CADPS2: variants seen among roughly 807,000 people sequenced by gnomAD.
CADPS2 encodes calcium dependent secretion activator 2.
In CADPS2, 93 loss-of-function variants were observed where a neutral mutation model predicts 172.5. That is an observed-to-expected ratio of 0.54 (90% confidence interval 0.46 to 0.64). CADPS2 has a LOEUF of 0.64. CADPS2 is among the 30% of genes least tolerant of loss of function. CADPS2 has a pLI of 0.00. For synonymous variants in CADPS2, 546 were observed against 555.2 expected (o/e 0.98, Z 0.23); for missense variants, 1,420 against 1,565.9 (o/e 0.91, Z 1.57).
intron 2 of CADPS2, among the ~76,000 whole-genome samples, chr7:122,666,256 T>C (rs891634634): frequency 6.6e-6 from 1 of 152,116 alleles, no homozygotes; most frequent in Non-Finnish European, 1.5e-5. Context: ...GGAAGCTCAG[T>C]AGTTAAAAGG....
At chr7:122,870,051 T>C (rs923350107) in intron 1 of CADPS2, among the ~76,000 whole-genome samples, 1 of 151,958 alleles carries the variant, frequency 6.6e-6, no homozygotes, top group Non-Finnish European at 1.5e-5. Flanking sequence ...AGGATCTACA[T>C]ATTAACCAGA....
Position 122,320,129 on chromosome 7 carries a change from T to C in CADPS2, c.*36A>G. ...TTAAAAAAATAAAAAACAATGTCGA[T>C]CAAGGTCTTCCTTCCTTCTGCAAAG... On this transcript the variant is annotated 3_prime_UTR_variant, in exon 30 of 30. Coordinates refer to ENST00000449022, the MANE Select transcript of CADPS2 (RefSeq NM_017954.11). 6.7e-7 allele frequency: 1 copy of C among 1,503,508 alleles called. No individual in the cohort carries two copies. The highest frequency in any genetic ancestry group is 2.3e-5 in the Admixed American group (1 of 43,972). 93.1% of individuals were successfully genotyped at this position (1,503,508 alleles called of 1,614,324 possible). A position where few individuals can be genotyped will look rare whatever the true frequency, so the allele number is the denominator to read the frequency against.
chr7:122,822,008 CATACTCCT>C (rs1195317554), intron 1 of CADPS2, among the ~76,000 whole-genome samples: 15 of 152,060 alleles, frequency 9.9e-5, no homozygotes, highest in African/African-American at 1.7e-4. Flanking sequence ...TCTGTCTAGT[CATACTCCT>C]ATTCACCGTT....
chr7:122,541,454 C>T (rs1176071493), intron 8 of CADPS2, among the ~76,000 whole-genome samples: 4 of 149,346 alleles, frequency 2.7e-5, no homozygotes, highest in African/African-American at 9.8e-5. Context: ...GATCCGCCCG[C>T]CTCAGCCTCC....
chr7:122,367,545 T>TTTTTC (rs2041100762), intron 25 of CADPS2, among the ~76,000 whole-genome samples: 1 of 67,352 alleles, frequency 1.5e-5, no homozygotes, highest in African/African-American at 4.0e-5. Flanking sequence ...CCCAGTTTTT[T>TTTTTC]TTTTTTTTTT....
chr7:122,591,440 C>T (rs1314981293), intron 6 of CADPS2, among the ~76,000 whole-genome samples: 1 of 151,958 alleles, frequency 6.6e-6, no homozygotes, highest in Non-Finnish European at 1.5e-5. Flanking sequence ...CAATGTCATC[C>T]CCATCAAGCT....
At chr7:122,345,503 C>T (rs757705782) in intron 28 of CADPS2, 71 bp downstream of exon 28, 1 of 899,022 alleles carries the variant, frequency 1.1e-6, no homozygotes, top group Non-Finnish European at 1.8e-6. Context: ...GCAAACATAC[C>T]ATCAAAATTC....
At chr7:122,486,943 T>A (rs1198913872) in intron 11 of CADPS2, among the ~76,000 whole-genome samples, 2 of 151,952 alleles carry the variant, frequency 1.3e-5, no homozygotes, top group African/African-American at 4.8e-5. Flanking sequence ...CAATAAAGAA[T>A]TTTAAAATTA....
chr7:122,503,415 G>C (rs995681627), intron 9 of CADPS2, among the ~76,000 whole-genome samples: 1 of 151,288 alleles, frequency 6.6e-6, no homozygotes, highest in Non-Finnish European at 1.5e-5. Context: ...GAATGATTTA[G>C]TGGTTTTTAT....
Position 122,554,533 on chromosome 7 carries a change from C to A in CADPS2, c.1475+17G>T. 6.5e-7 allele frequency: 1 copy of A among 1,545,212 alleles called. No individual in the cohort carries two copies. Among genetic ancestry groups the A allele is most frequent in the Non-Finnish European group, 8.7e-7 (1 of 1,147,738 alleles). On this transcript the variant is annotated intron_variant, in intron 8 of 29. Transcript: ENST00000449022. ...AATTCAATAATTCAGGAAAAAAATC[C>A]TCAAATTTATACTCACCCACTATGC...
intron 1 of CADPS2, among the ~76,000 whole-genome samples, chr7:122,820,549 G>GA (rs1802882081): frequency 1.0e-5 from 1 of 99,784 alleles, no homozygotes. Flanking sequence ...ACTGTTTTTT[G>GA]TTTTTTGTTT....
At position 122,705,900 on chromosome 7, in the gene CADPS2, T is replaced by TATAATATATA. The variant is rs1284854308; in HGVS notation, c.453+31054_453+31055insTATATATTAT. 7.7e-3 allele frequency among the ~76,000 whole-genome samples: 27 copies of TATAATATATA among 3,484 alleles called. 1 individual carries two copies. The highest frequency in any genetic ancestry group is 9.3e-3 in the Non-Finnish European group (15 of 1,612). The allele number at this position is 3,484 out of a possible 152,430, so 2.3% of individuals were successfully genotyped here. On this transcript the variant is annotated intron_variant, in intron 2 of 29. Coordinates refer to ENST00000449022, the MANE Select transcript of CADPS2 (RefSeq NM_017954.11). ...ATATAATATAATAAATATAATATAA[T>TATAATATATA]ATATAATATATTATATAATATAATA...
chr7:122,767,111 T>C (rs1589079676), intron 1 of CADPS2, among the ~76,000 whole-genome samples: 1 of 152,180 alleles, frequency 6.6e-6, no homozygotes, highest in Admixed American at 6.6e-5. Flanking sequence ...TTAAATAGAT[T>C]GTTTTGAAGC....
At position 122,472,385 on chromosome 7, in the gene CADPS2, C is replaced by A. The variant is rs537467844; in HGVS notation, c.1999-823G>T. Reference sequence around the variant, plus strand: ...GAAAAGAAAAGGAGTAAGAGAAGAACCATCAGGTGTGGTATTTATATGCTT... The same window carrying A: ...GAAAAGAAAAGGAGTAAGAGAAGAAACATCAGGTGTGGTATTTATATGCTT... On this transcript the variant is annotated intron_variant, in intron 13 of 29. Transcript: ENST00000449022. Among the ~76,000 whole-genome samples the A allele has an allele frequency of 2.6e-5, 4 of 151,996 alleles. No individual in the cohort carries two copies. The South Asian group carries it at 8.3e-4, about 32-fold the overall frequency.
intron 2 of CADPS2, among the ~76,000 whole-genome samples, chr7:122,716,611 T>G (rs538051074): frequency 6.6e-6 from 1 of 152,270 alleles, no homozygotes; most frequent in East Asian, 1.9e-4. Flanking sequence ...CACACCAACA[T>G]GGCACATGTA....
At chr7:122,730,454 A>G (rs528121538) in intron 2 of CADPS2, among the ~76,000 whole-genome samples, 1 of 151,956 alleles carries the variant, frequency 6.6e-6, no homozygotes, top group African/African-American at 2.4e-5. Context: ...TATCCAAGAT[A>G]ATAAACTTAT....
Position 122,451,484 on chromosome 7 carries a change from A to T in CADPS2, c.2187-9T>A. On this transcript the variant is annotated splice_polypyrimidine_tract_variant and intron_variant, in intron 14 of 29. Transcript: ENST00000449022. ...TCCCAATTCCATCAGGCCTGAAAAA[A>T]AAATCAGAATCAATAATTCATATTG... The T allele has an allele frequency of 6.7e-7, 1 of 1,482,000 alleles. No individual in the cohort carries two copies. Among genetic ancestry groups the T allele is most frequent in the Non-Finnish European group, 9.2e-7 (1 of 1,087,034 alleles). 91.8% of individuals were successfully genotyped at this position (1,482,000 alleles called of 1,614,324 possible). A position where few individuals can be genotyped will look rare whatever the true frequency, so the allele number is the denominator to read the frequency against.
intron 8 of CADPS2, among the ~76,000 whole-genome samples, chr7:122,552,775 G>GTTTT (rs61517518): frequency 3.6e-5 from 5 of 137,088 alleles, no homozygotes; most frequent in Non-Finnish European, 3.1e-5. Context: ...ATAGGTTCCT[G>GTTTT]TTTTTTTTTT....
At chr7:122,467,195 C>A (rs1442692199) in intron 14 of CADPS2, among the ~76,000 whole-genome samples, 1 of 152,148 alleles carries the variant, frequency 6.6e-6, no homozygotes, top group East Asian at 1.9e-4. Flanking sequence ...TGCTTATGAC[C>A]TTTCATCTGG....
Sources: allele counts gnomAD v4.1 joint callset (sites outside exome capture counted in the v4.1 genomes callset), GRCh38; gene constraint gnomAD v4.1.1; transcripts MANE v1.5; gene names NCBI Gene and HGNC (gene_info 2026-07-23, HGNC 2026-07-21).